Variants in DPP6 observed in about 807,000 individuals in gnomAD.
The protein encoded by DPP6 is dipeptidyl peptidase like 6.
Under a neutral mutation model 122.6 loss-of-function variants are expected in DPP6, and 69 were observed. The ratio of observed to expected loss-of-function variants is 0.56; its 90% CI spans 0.46 to 0.69. DPP6 has a LOEUF of 0.69. DPP6 is among the 30% of genes least tolerant of loss of function. The probability of loss-of-function intolerance (pLI) is 0.00; values close to 1 mark genes in which losing one functional copy is unlikely to be tolerated. For missense variants in DPP6, 928 were observed against 1,116.9 expected, an observed-to-expected ratio of 0.83 and a Z score of 2.41; for synonymous variants, 418 against 433.1, an observed-to-expected ratio of 0.97 and a Z score of 0.43.
At chr7:154,329,949 G>A (rs530818544) in intron 1 of DPP6, among the ~76,000 whole-genome samples, 1 of 152,262 alleles carries the variant, frequency 6.6e-6, no homozygotes, top group South Asian at 2.1e-4. Flanking sequence ...AACACTGCAT[G>A]TTCTCACTCA....
At chr7:153,916,261 C>T (rs1226468772) in intron 1 of DPP6, among the ~76,000 whole-genome samples, 1 of 152,064 alleles carries the variant, frequency 6.6e-6, no homozygotes, top group East Asian at 1.9e-4. Context: ...GCGTGAGCCA[C>T]TGTGCCCGGC....
chr7:154,218,318 G>A (rs1435367681), intron 1 of DPP6, among the ~76,000 whole-genome samples: 3 of 152,124 alleles, frequency 2.0e-5, no homozygotes, highest in Non-Finnish European at 2.9e-5. Flanking sequence ...AACTGCCCAG[G>A]CTTACAGAGT....
At chr7:154,651,675 C>T (rs757868256) in intron 6 of DPP6, among the ~76,000 whole-genome samples, 1 of 152,164 alleles carries the variant, frequency 6.6e-6, no homozygotes, top group Admixed American at 6.6e-5. Flanking sequence ...CAAATTGCTT[C>T]GGCAACATTA....
chr7:153,964,898 C>T (rs7809280), intron 1 of DPP6, among the ~76,000 whole-genome samples: 1 of 132,866 alleles, frequency 7.5e-6, no homozygotes, highest in Admixed American at 7.7e-5. Flanking sequence ...CCCTTTCTTT[C>T]CCTTCTTTTC....
chr7:153,780,461 A>G, the DPP6 span, among the ~76,000 whole-genome samples: 1 of 152,178 alleles, frequency 6.6e-6, no homozygotes, highest in Admixed American at 6.5e-5. Context: ...TGAAAGCAGC[A>G]TAAAGTTGGT....
chr7:154,209,811 A>G (rs1799644120), intron 1 of DPP6, among the ~76,000 whole-genome samples: 1 of 152,218 alleles, frequency 6.6e-6, no homozygotes, highest in South Asian at 2.1e-4. Flanking sequence ...AAGAATAGGA[A>G]TATTAAGATT....
the DPP6 span, among the ~76,000 whole-genome samples, chr7:153,852,260 C>T: frequency 6.6e-6 from 1 of 152,094 alleles, no homozygotes; most frequent in African/African-American, 2.4e-5. Flanking sequence ...TAAAGAAACA[C>T]CTGAGACTGG....
chr7:153,869,499 T>C, the DPP6 span, among the ~76,000 whole-genome samples: 1 of 152,210 alleles, frequency 6.6e-6, no homozygotes, highest in South Asian at 2.1e-4. Flanking sequence ...GTTTTCCATT[T>C]GCTTGGTAGA....
rs1284899695 is a variant in DPP6 at position 154,036,035 on chromosome 7, T to C, written c.51+148301T>C. Among the ~76,000 whole-genome samples, 1,283 of 151,832 alleles carry C rather than the reference T, an allele frequency of 8.5e-3. 43 individuals are homozygous for C. The highest frequency in any genetic ancestry group is 0.029 in the African/African-American group (1,205 of 41,146). On this transcript the variant is annotated intron_variant, in intron 1 of 25. Coordinates refer to the DPP6 transcript ENST00000404039. ...GCGCGCGCGCTTGTGTGTGTGTGTG[T>C]GTGTGTGTGTGTATGTGAAAATAAA...
intron 8 of DPP6, among the ~76,000 whole-genome samples, chr7:154,732,049 T>A (rs964776342): frequency 2.6e-5 from 4 of 152,220 alleles, no homozygotes; most frequent in Middle Eastern, 6.8e-3. Flanking sequence ...TTGTTTGTTT[T>A]TTTTTTTGAG....
intron 1 of DPP6, among the ~76,000 whole-genome samples, chr7:154,021,243 G>C (rs1201792953): frequency 2.0e-5 from 3 of 152,268 alleles, no homozygotes; most frequent in Admixed American, 2.0e-4. Flanking sequence ...CCTCACAACA[G>C]CCGTGCGAGA....
intron 16 of DPP6, among the ~76,000 whole-genome samples, chr7:154,822,841 G>A (rs1347234975): frequency 1.3e-5 from 2 of 152,126 alleles, no homozygotes; most frequent in East Asian, 1.9e-4. Flanking sequence ...ATTTTTCTGT[G>A]TATGTTTTCA....
intron 1 of DPP6, among the ~76,000 whole-genome samples, chr7:153,906,295 G>A (rs532323808): frequency 3.9e-5 from 6 of 152,180 alleles, no homozygotes; most frequent in South Asian, 2.1e-4. Flanking sequence ...TGTGCTCATC[G>A]CTCATAGACT....
In DPP6 at chr7:154,083,039, C is replaced by T. The variant is rs548437605; in HGVS notation, c.243+29976C>T. On this transcript the variant is annotated intron_variant, in intron 1 of 25. Coordinates refer to ENST00000377770, the MANE Select transcript of DPP6 (RefSeq NM_130797.4). ...AATTTTTTGTATTTTTTAGTAGAGA[C>T]GGGGTTTCGCTGTGTTAGCCAGGAT... Among the ~76,000 whole-genome samples the T allele has an allele frequency of 2.1e-4, 32 of 151,800 alleles. 1 individual carries two copies. The South Asian group carries it at 4.2e-3, about 20-fold the overall frequency.
intron 1 of DPP6, among the ~76,000 whole-genome samples, chr7:154,299,254 C>T (rs769056697): frequency 9.2e-5 from 14 of 152,222 alleles, no homozygotes; most frequent in Admixed American, 5.2e-4. Flanking sequence ...GCCCTGACCA[C>T]GCAGACCCAG....
intron 8 of DPP6, among the ~76,000 whole-genome samples, chr7:154,759,671 C>T (rs757518369): frequency 1.1e-4 from 16 of 152,206 alleles, no homozygotes; most frequent in South Asian, 2.1e-4. Flanking sequence ...TTCCACAGTG[C>T]GCAGGCCAGA....
At position 154,091,482 on chromosome 7, in the gene DPP6, A is replaced by G. The variant is rs985550415; in HGVS notation, c.243+38419A>G. Among the ~76,000 whole-genome samples, 6 of 152,146 alleles carry G rather than the reference A, an allele frequency of 3.9e-5. No homozygotes were observed. The East Asian group carries it at 1.2e-3, about 29-fold the overall frequency. On this transcript the variant is annotated intron_variant, in intron 1 of 25. Transcript: ENST00000377770. ...AAAAGTTTCTATCAGCCCTCCTTGT[A>G]GGAAGAAAATGTGTTCCCTAGTTTG... is the stretch of plus-strand genomic sequence containing the variant.
intron 5 of DPP6, among the ~76,000 whole-genome samples, chr7:154,586,081 C>CA (rs1357334385): frequency 6.6e-6 from 1 of 151,934 alleles, no homozygotes; most frequent in East Asian, 1.9e-4. Context: ...AGTGGAGGGG[C>CA]AAGCAGGCAG....
intron 7 of DPP6, among the ~76,000 whole-genome samples, chr7:154,708,874 C>T (rs2131294858): frequency 6.6e-6 from 1 of 152,078 alleles, no homozygotes; most frequent in East Asian, 1.9e-4. Context: ...ATGGTGAAAC[C>T]CTGTCTCTAC....
Sources: gnomAD v4.1 joint callset for allele counts (sites outside exome capture counted in the v4.1 genomes callset) on GRCh38, gnomAD v4.1.1 for gene constraint, MANE v1.5 for transcripts, NCBI Gene and HGNC (gene_info 2026-07-23, HGNC 2026-07-21) for gene names.